The following TG variants were observed in gnomAD, a reference collection of about 807,000 sequenced individuals.
The protein encoded by TG is thyroglobulin, also known as thyroid hormones.
In TG, 270 loss-of-function variants were observed where a neutral mutation model predicts 324.7. The ratio of observed to expected loss-of-function variants is 0.83; its 90% CI spans 0.75 to 0.92. The LOEUF (loss-of-function observed/expected upper bound fraction) is 0.92, where lower values mean the gene tolerates loss of function less well. TG is among the 40% of genes least tolerant of loss of function. The pLI is 0.00. For missense variants in TG, 3,591 were observed against 3,456.4 expected, an observed-to-expected ratio of 1.04 and a Z score of -0.98; for synonymous variants, 1,401 against 1,327.0, an observed-to-expected ratio of 1.06 and a Z score of -1.21.
chr8:132,938,665 G>A (rs1431137956), intron 25 of TG, among the ~76,000 whole-genome samples: 1 of 152,162 alleles, frequency 6.6e-6, no homozygotes, highest in Non-Finnish European at 1.5e-5. Context: ...AATGAAACAG[G>A]ACGAGGAGGT....
intron 31 of TG, among the ~76,000 whole-genome samples, 195 bp from the exon 32 acceptor site, chr8:132,969,263 T>C (rs1201899230): frequency 6.6e-6 from 1 of 152,132 alleles, no homozygotes. Flanking sequence ...GTCTCCACTT[T>C]TTTAAAAAAA....
At chr8:132,906,589 G>T in intron 16 of TG, 99 bp from the exon 17 acceptor site, 7 of 1,366,196 alleles carry the variant, frequency 5.1e-6, no homozygotes, top group Non-Finnish European at 7.2e-6. Flanking sequence ...AGAGGAGGAG[G>T]GCCCAGTGTG....
chr8:132,888,254 A>C lies in TG; in HGVS notation c.2447A>C (p.Asn816Thr). 1 of 1,614,172 alleles carries C rather than the reference A, an allele frequency of 6.2e-7. No homozygotes were observed. Among genetic ancestry groups the C allele is most frequent in the Non-Finnish European group, 8.5e-7 (1 of 1,180,028 alleles). The change falls in exon 10 of 48, where the codon AAC (asparagine) becomes ACC (threonine). Residue 816 changes from asparagine to threonine, a missense_variant. Coordinates refer to ENST00000220616, the MANE Select transcript of TG (RefSeq NM_003235.5). ...AGCTACAGAGAAGCAGCTTCCGGAA[A>C]CTTCAGTCTCTTTATTCAAAGTCTG... ...IMSYREAASG[N>T]FSLFIQSLYE... is the part of the protein sequence containing the mutation.
chr8:133,044,262 T>C (rs1016576103), intron 41 of TG, among the ~76,000 whole-genome samples: 9 of 152,112 alleles, frequency 5.9e-5, no homozygotes, highest in Admixed American at 5.9e-4. Flanking sequence ...CCTTTCACAG[T>C]ATAACTCAAC....
At chr8:132,976,886 T>C (rs1382135944) in intron 34 of TG, among the ~76,000 whole-genome samples, 1 of 152,164 alleles carries the variant, frequency 6.6e-6, no homozygotes, top group Admixed American at 6.5e-5. Flanking sequence ...GTGGGATAAG[T>C]CTTAAGACTT....
chr8:133,079,559 G>A (rs1041138605), intron 41 of TG, among the ~76,000 whole-genome samples: 8 of 152,158 alleles, frequency 5.3e-5, no homozygotes, highest in Non-Finnish European at 1.0e-4. Context: ...GGTTCTAGGA[G>A]GTTAAGAGCT....
chr8:133,107,615 C>T (rs1849914847), intron 43 of TG, among the ~76,000 whole-genome samples: 1 of 152,142 alleles, frequency 6.6e-6, no homozygotes. Context: ...GAAAATGTGC[C>T]CCTTCACATT....
rs1332540168 is a variant in TG, at chr8:132,887,475, A to G, written c.2103A>G (p.Ser701=). ...TCCTGCCTGTCCAGTGCTTCAACTC[A>G]GAGTGCTACTGTGTTGATGCTGAGG... is the stretch of plus-strand genomic sequence containing the variant. ...GHFLPVQCFN[S]ECYCVDAEGQ... The change falls in exon 9 of 48, where the codon TCA becomes TCG. Residue 701 remains serine (S), a synonymous_variant. Coordinates refer to ENST00000220616, the MANE Select transcript of TG (RefSeq NM_003235.5). 2.5e-6 allele frequency: 4 copies of G among 1,614,186 alleles called. No individual in the cohort carries two copies. In the Admixed American group the frequency reaches 6.7e-5, roughly 27 times the overall value.
chr8:132,986,512 T>G (rs1831575681), intron 35 of TG, among the ~76,000 whole-genome samples: 1 of 152,152 alleles, frequency 6.6e-6, no homozygotes, highest in Non-Finnish European at 1.5e-5. Context: ...GAGTCTTCTA[T>G]GTTCCTACTC....
chr8:133,097,659 A>C (rs1171548253), intron 43 of TG, among the ~76,000 whole-genome samples: 1 of 152,240 alleles, frequency 6.6e-6, no homozygotes, highest in Non-Finnish European at 1.5e-5. Context: ...GTTTTTCTGC[A>C]TAGAAGGATA....
chr8:132,936,839 C>G (rs1388750101), intron 25 of TG, among the ~76,000 whole-genome samples: 3 of 152,202 alleles, frequency 2.0e-5, no homozygotes, highest in East Asian at 3.9e-4. Flanking sequence ...CCTGTGGTTC[C>G]TTCATAGCTG....
intron 13 of TG, 111 bp from the exon 14 acceptor site, chr8:132,898,687 G>A (rs1817484998): frequency 2.4e-6 from 2 of 844,278 alleles, no homozygotes; most frequent in East Asian, 2.6e-5. Flanking sequence ...TCTATGAAGA[G>A]CACCTGCATT....
intron 5 of TG, 122 bp from the exon 6 acceptor site, chr8:132,881,741 T>C (rs1236197370): frequency 6.7e-6 from 5 of 751,828 alleles, no homozygotes; most frequent in Non-Finnish European, 1.2e-5. Context: ...GCAACTGTCA[T>C]GTGATAAGAA....
At chr8:132,958,440 C>T (rs963753732) in intron 27 of TG, among the ~76,000 whole-genome samples, 3 of 152,104 alleles carry the variant, frequency 2.0e-5, no homozygotes, top group African/African-American at 7.2e-5. Context: ...AGATTTAAGG[C>T]TGGGCACGGT....
chr8:133,019,813 AG>A (rs1334370622), intron 39 of TG, 118 bp downstream of exon 39: 2 of 842,830 alleles, frequency 2.4e-6, no homozygotes, highest in Admixed American at 2.0e-5. Context: ...AGCTGAGGTT[AG>A]GTGATTTGCC....
chr8:132,966,110 T>A (rs1828525237), intron 29 of TG, among the ~76,000 whole-genome samples: 1 of 152,112 alleles, frequency 6.6e-6, no homozygotes, highest in Non-Finnish European at 1.5e-5. Flanking sequence ...AAAAAGAGGA[T>A]CAGTGGTTCA....
In TG at chr8:132,893,821, C is replaced by A. The variant is rs1208861379; in HGVS notation, c.2893C>A (p.Leu965Met). The A allele has an allele frequency of 6.2e-7, 1 of 1,613,924 alleles. No homozygotes were observed. The highest frequency in any genetic ancestry group is 8.5e-7 in the Non-Finnish European group (1 of 1,179,954). The part of the protein sequence containing the change: ...ESFLVAKGIR[L>M]RNEDLGLPPL... The stretch of plus-strand genomic sequence containing the variant: ...TTTCCTGGTGGCCAAGGGAATCCGG[C>A]TGAGGAATGAGGACCTCGGCCTTCC... The change falls in exon 11 of 48, where the codon CTG becomes ATG. Residue 965 changes from leucine to methionine, a missense_variant. Coordinates refer to ENST00000220616, the MANE Select transcript of TG (RefSeq NM_003235.5).
chr8:133,073,746 T>G (rs1844436630), intron 41 of TG, among the ~76,000 whole-genome samples: 1 of 152,104 alleles, frequency 6.6e-6, no homozygotes, highest in Admixed American at 6.6e-5. Flanking sequence ...AACACAGGCC[T>G]CAGCTCTGCA....
intron 45 of TG, among the ~76,000 whole-genome samples, chr8:133,130,527 G>A (rs1320850035): frequency 3.3e-5 from 5 of 152,172 alleles, no homozygotes; most frequent in African/African-American, 7.2e-5. Flanking sequence ...CTGATCGGCA[G>A]CCTCTAGTGA....
Sources: gnomAD v4.1 joint callset for allele counts (sites outside exome capture counted in the v4.1 genomes callset) on GRCh38, gnomAD v4.1.1 for gene constraint, MANE v1.5 for transcripts, NCBI Gene and HGNC (gene_info 2026-07-23, HGNC 2026-07-21) for gene names.